The following ADAMTS19 variants were observed in gnomAD, a reference collection of about 807,000 sequenced individuals.
ADAMTS19 encodes the protein A disintegrin and metalloproteinase with thrombospondin motifs 19.
A neutral mutation model predicts 153.3 loss-of-function variants in ADAMTS19; 93 were observed. The ratio of observed to expected loss-of-function variants is 0.61; its 90% CI spans 0.51 to 0.72. The LOEUF (loss-of-function observed/expected upper bound fraction) is 0.72. Ranked by LOEUF, ADAMTS19 falls within the 30% of genes least tolerant of loss-of-function variation. The pLI is 0.00. For synonymous variants in ADAMTS19, 600 were observed against 556.6 expected (o/e 1.08, Z -1.10); for missense variants, 1,482 against 1,552.1 (o/e 0.95, Z 0.76).
Position 129,684,424 on chromosome 5 carries a change from C to T in ADAMTS19, c.2818+151C>T, listed in dbSNP as rs1052929810. ...AAGTTTTATATGATATGTTTAGTGG[C>T]TAAACACCTGAAATACTTAGAATGG... On this transcript the variant is annotated intron_variant, in intron 18 of 22. Transcript: ENST00000274487. 6 of 969,774 alleles carry T rather than the reference C, an allele frequency of 6.2e-6. No individual in the cohort carries two copies. In the Admixed American group the frequency reaches 8.7e-5, roughly 14 times the overall value. 60.1% of individuals were successfully genotyped at this position (969,774 alleles called of 1,614,324 possible).
At chr5:129,582,538 A>G (rs941047465) in intron 7 of ADAMTS19, among the ~76,000 whole-genome samples, 14 of 151,510 alleles carry the variant, frequency 9.2e-5, no homozygotes, top group Admixed American at 5.9e-4. Flanking sequence ...AGTGTTGACT[A>G]TCCAATCTCC....
At chr5:129,694,352 A>C (rs1255580113) in intron 18 of ADAMTS19, among the ~76,000 whole-genome samples, 1 of 152,176 alleles carries the variant, frequency 6.6e-6, no homozygotes, top group Non-Finnish European at 1.5e-5. Context: ...AATCTAAAAT[A>C]AAAGTTGATG....
chr5:129,617,449 C>G (rs1031421932), intron 8 of ADAMTS19, among the ~76,000 whole-genome samples: 1 of 152,000 alleles, frequency 6.6e-6, no homozygotes, highest in Non-Finnish European at 1.5e-5. Flanking sequence ...TGGAAGCAAT[C>G]CCTCTCCTTC....
chr5:129,603,039 G>A (rs1335859519), intron 8 of ADAMTS19, among the ~76,000 whole-genome samples: 1 of 151,724 alleles, frequency 6.6e-6, no homozygotes, highest in African/African-American at 2.4e-5. Flanking sequence ...CATTGAAAGA[G>A]TCTTGACGTG....
In ADAMTS19 at chr5:129,694,781, C is replaced by T. The variant is rs765721748; in HGVS notation, c.2880C>T (p.Asp960=). ...TGAGCAAAAATATCAGCATTGTGGA[C>T]AATGAGAAATGCAAATACTTAACCA... ...KIMSKNISIV[D]NEKCKYLTKP... Residue 960 remains aspartate (D), a synonymous_variant, in exon 19 of 23, where the codon GAC becomes GAT. Coordinates refer to ENST00000274487, the MANE Select transcript of ADAMTS19 (RefSeq NM_133638.6). The T allele has an allele frequency of 1.9e-6, 3 of 1,610,306 alleles. No homozygotes were observed. In the Admixed American group the frequency reaches 5.0e-5, roughly 27 times the overall value.
At chr5:129,491,557 C>G (rs143720113) in intron 2 of ADAMTS19, among the ~76,000 whole-genome samples, 313 of 152,232 alleles carry the variant, frequency 2.1e-3, no homozygotes, top group African/African-American at 6.7e-3. Flanking sequence ...ACTCGATTAA[C>G]TTTGTATATC....
rs187861391 is a variant in ADAMTS19, at chr5:129,718,395, A to G, written c.3312+14004A>G. On this transcript the variant is annotated intron_variant, in intron 21 of 22. Transcript: ENST00000274487. Reference sequence around the variant, plus strand: ...ACACATACACACACATACACAAAAAAACACCCTCAAATGCCTGACCTCTAG... The same window carrying G: ...ACACATACACACACATACACAAAAAGACACCCTCAAATGCCTGACCTCTAG... 8.7e-4 allele frequency among the ~76,000 whole-genome samples: 133 copies of G among 152,244 alleles called. 1 individual carries two copies. The highest frequency in any genetic ancestry group is 1.5e-3 in the Non-Finnish European group (101 of 67,966).
Position 129,694,869 on chromosome 5 carries a change from A to C in ADAMTS19, c.2954+14A>C. On this transcript the variant is annotated intron_variant, in intron 19 of 22. Transcript: ENST00000274487. ...ATGTCAAACAAGGTAACTCTATTCC[A>C]AGGGCCCTTAAAGCATTATTTGTCC... 23 of 1,564,306 alleles carry C rather than the reference A, an allele frequency of 1.5e-5. No individual in the cohort carries two copies. The highest frequency in any genetic ancestry group is 2.0e-5 in the Non-Finnish European group (23 of 1,153,758).
chr5:129,467,264 C>T (rs927881940), intron 2 of ADAMTS19, among the ~76,000 whole-genome samples: 10 of 152,072 alleles, frequency 6.6e-5, no homozygotes, highest in Admixed American at 2.0e-4. Context: ...TGGTGTGTGG[C>T]GTATTAAGTC....
intron 7 of ADAMTS19, among the ~76,000 whole-genome samples, chr5:129,580,790 A>G (rs550825228): frequency 6.6e-6 from 1 of 152,182 alleles, no homozygotes; most frequent in East Asian, 1.9e-4. Flanking sequence ...AGCTGACTTG[A>G]TCGTGGTGGG....
rs1016702555 is a variant in ADAMTS19, at chr5:129,494,627, G to T, written c.748-14450G>T. On this transcript the variant is annotated intron_variant, in intron 2 of 22. Transcript: ENST00000274487. ...AGCTACCTAGATGAAATTTAAATAT[G>T]AAATCTAATAGACACACCAAGTTTA... is the stretch of plus-strand genomic sequence containing the variant. Among the ~76,000 whole-genome samples, 4 of 152,114 alleles carry T rather than the reference G, an allele frequency of 2.6e-5. No individual in the cohort carries two copies. In the South Asian group the frequency reaches 8.3e-4, roughly 31 times the overall value.
chr5:129,588,855 A>G (rs1235788008), intron 7 of ADAMTS19, among the ~76,000 whole-genome samples: 2 of 151,516 alleles, frequency 1.3e-5, no homozygotes, highest in East Asian at 3.9e-4. Flanking sequence ...AGTTCCTTTT[A>G]CCCTAATTTG....
intron 21 of ADAMTS19, among the ~76,000 whole-genome samples, chr5:129,708,821 T>G (rs960776291): frequency 6.6e-6 from 1 of 152,114 alleles, no homozygotes; most frequent in African/African-American, 2.4e-5. Flanking sequence ...TTTAAAATTC[T>G]AGGAAATGAT....
At chr5:129,561,868 T>G (rs983077968) in intron 7 of ADAMTS19, among the ~76,000 whole-genome samples, 4 of 142,560 alleles carry the variant, frequency 2.8e-5, no homozygotes, top group South Asian at 4.4e-4. Context: ...ATCTATCTAA[T>G]CTATCTGTTA....
chr5:129,708,284 C>A (rs767096911), intron 21 of ADAMTS19, among the ~76,000 whole-genome samples: 1 of 152,108 alleles, frequency 6.6e-6, no homozygotes, highest in African/African-American at 2.4e-5. Flanking sequence ...TACAATGTGG[C>A]TGCTTTGCCC....
chr5:129,585,443 C>CT (rs1233621452), intron 7 of ADAMTS19, among the ~76,000 whole-genome samples: 2 of 151,804 alleles, frequency 1.3e-5, no homozygotes. Context: ...TTAATGTGTT[C>CT]TTTTTTGTAA....
chr5:129,579,535 T>C (rs1749400791), intron 7 of ADAMTS19, among the ~76,000 whole-genome samples: 1 of 152,200 alleles, frequency 6.6e-6, no homozygotes, highest in Non-Finnish European at 1.5e-5. Flanking sequence ...CTGAATGGTA[T>C]TACCTAGGTT....
intron 3 of ADAMTS19, among the ~76,000 whole-genome samples, chr5:129,509,877 C>T (rs539514488): frequency 6.6e-6 from 1 of 151,934 alleles, no homozygotes; most frequent in South Asian, 2.1e-4. Context: ...GTTTCATGTA[C>T]TTTCTTACTT....
intron 3 of ADAMTS19, among the ~76,000 whole-genome samples, chr5:129,510,856 G>GATATAT (rs60233609): frequency 0.045 from 6,361 of 141,014 alleles, 192 homozygotes; most frequent in African/African-American, 0.086. Context: ...AAGTTTCTGA[G>GATATAT]ATATATATAT....
Sources: allele counts gnomAD v4.1 joint callset (sites outside exome capture counted in the v4.1 genomes callset), GRCh38; gene constraint gnomAD v4.1.1; transcripts MANE v1.5; gene names NCBI Gene and HGNC (gene_info 2026-07-23, HGNC 2026-07-21).